The following TNFRSF10B variants were observed in gnomAD, a reference collection of about 807,000 sequenced individuals.
TNFRSF10B encodes TNF receptor superfamily member 10b.
A neutral mutation model predicts 41.4 loss-of-function variants in TNFRSF10B; 35 were observed. The ratio of observed to expected loss-of-function variants is 0.85; its 90% CI spans 0.65 to 1.12. The LOEUF (loss-of-function observed/expected upper bound fraction) is 1.12, where lower values mean the gene tolerates loss of function less well. TNFRSF10B is among the 50% of genes most tolerant of loss of function. The pLI is 0.00. For synonymous variants in TNFRSF10B, 230 were observed against 215.5 expected, an observed-to-expected ratio of 1.07 and a Z score of -0.59; for missense variants, 584 against 552.7, an observed-to-expected ratio of 1.06 and a Z score of -0.57.
At chr8:23,026,972 T>TC (rs1257041615) in intron 7 of TNFRSF10B, among the ~76,000 whole-genome samples, 161 bp downstream of exon 7, 1 of 152,100 alleles carries the variant, frequency 6.6e-6, no homozygotes, top group Non-Finnish European at 1.5e-5. Context: ...ACTGGCACGG[T>TC]CACCACCTCA....
chr8:23,050,445 T>G (rs1231883673), intron 1 of TNFRSF10B, among the ~76,000 whole-genome samples: 2 of 152,112 alleles, frequency 1.3e-5, no homozygotes, highest in Admixed American at 1.3e-4. Context: ...ACATCCAAAA[T>G]GTGTATGTGC....
chr8:23,042,429 G>C (rs1391960800), intron 2 of TNFRSF10B, among the ~76,000 whole-genome samples: 1 of 152,178 alleles, frequency 6.6e-6, no homozygotes, highest in East Asian at 1.9e-4. Flanking sequence ...GGGAAGAAGT[G>C]CGAGGCGAAC....
chr8:23,027,364 T>G (rs1811734423), intron 6 of TNFRSF10B, 76 bp from the exon 7 acceptor site: 2 of 1,573,636 alleles, frequency 1.3e-6, no homozygotes, highest in African/African-American at 1.3e-5. Flanking sequence ...GTCCTCAGTA[T>G]GCAGCTGCAC....
intron 1 of TNFRSF10B, among the ~76,000 whole-genome samples, chr8:23,062,046 A>C (rs749340204): frequency 6.6e-6 from 1 of 152,130 alleles, no homozygotes; most frequent in Non-Finnish European, 1.5e-5. Flanking sequence ...GGCCTTACAG[A>C]AAGAGTCAAG....
chr8:23,048,121 A>C (rs1224142213), intron 1 of TNFRSF10B, among the ~76,000 whole-genome samples: 1 of 152,188 alleles, frequency 6.6e-6, no homozygotes, highest in African/African-American at 2.4e-5. Context: ...GAAATACTGT[A>C]TGTTTTCATA....
At chr8:23,029,006 TC>T (rs1811799246) in intron 4 of TNFRSF10B, among the ~76,000 whole-genome samples, 1 of 151,944 alleles carries the variant, frequency 6.6e-6, no homozygotes, top group Non-Finnish European at 1.5e-5. Flanking sequence ...TCTGCCCATT[TC>T]CCCCAATCAC....
rs1205065449 is a variant in TNFRSF10B, at chr8:23,027,139, A to G, written c.930T>C (p.His310=). The G allele has an allele frequency of 6.2e-7, 1 of 1,614,044 alleles. No homozygotes were observed. The highest frequency in any genetic ancestry group is 1.7e-5 in the Admixed American group (1 of 60,026). Residue 310 remains histidine, a synonymous_variant, in exon 7 of 9, where the codon CAT becomes CAC. Coordinates refer to ENST00000276431, the MANE Select transcript of TNFRSF10B (RefSeq NM_003842.5). The part of the protein sequence containing the change: ...VNMLSPGESE[H]LLEPAEAERS... ...TGATCTGTCCCCCACTCACCAGCAG[A>G]TGCTCTGACTCCCCGGGGGACAACA...
At chr8:23,050,194 C>G (rs745755243) in intron 1 of TNFRSF10B, among the ~76,000 whole-genome samples, 2 of 152,188 alleles carry the variant, frequency 1.3e-5, no homozygotes, top group Non-Finnish European at 2.9e-5. Flanking sequence ...GCTCATACAC[C>G]CACTTTCCCT....
intron 2 of TNFRSF10B, among the ~76,000 whole-genome samples, chr8:23,040,677 A>G (rs949826514): frequency 8.6e-5 from 13 of 151,958 alleles, no homozygotes; most frequent in Non-Finnish European, 1.6e-4. Context: ...TTAATTGAAA[A>G]TAGTTTAAAC....
At position 23,055,788 on chromosome 8, in the gene TNFRSF10B, C is replaced by G. The variant is rs1249585310; in HGVS notation, c.145-12545G>C. On this transcript the variant is annotated intron_variant, in intron 1 of 8. Coordinates refer to ENST00000276431, the MANE Select transcript of TNFRSF10B (RefSeq NM_003842.5). ...AGGGTAATCACCCCAGCACCTGGAC[C>G]CATTTAGATTAAGTAAATTTACTGA... Among the ~76,000 whole-genome samples, 3 of 152,080 alleles carry G rather than the reference C, an allele frequency of 2.0e-5. No individual in the cohort carries two copies. In the South Asian group the frequency reaches 6.2e-4, roughly 32 times the overall value.
rs770524322 is a variant in TNFRSF10B at position 23,030,780 on chromosome 8, G to A, written c.343C>T (p.Arg115Cys). ...GTACCTGAATCACACCTGGTGCAGCGCAAGCAGAAAAGGAGGTCATTCCAG... is the reference window on the plus strand; with the variant it reads ...GTACCTGAATCACACCTGGTGCAGCACAAGCAGAAAAGGAGGTCATTCCAG... ...THWNDLLFCL[R>C]CTRCDSGEVE... Residue 115 changes from arginine (R) to cysteine (C), a missense_variant, in exon 3 of 9, where the codon CGC becomes TGC. Arg to Cys is a radical substitution (Grantham distance 180). Coordinates refer to ENST00000276431, the MANE Select transcript of TNFRSF10B (RefSeq NM_003842.5). The A allele has an allele frequency of 2.5e-5, 40 of 1,612,702 alleles. No individual in the cohort carries two copies. The East Asian group carries it at 3.3e-4, about 13-fold the overall frequency.
intron 1 of TNFRSF10B, among the ~76,000 whole-genome samples, chr8:23,052,918 G>T (rs1275336857): frequency 6.6e-6 from 1 of 152,264 alleles, no homozygotes; most frequent in Non-Finnish European, 1.5e-5. Flanking sequence ...AAAGAAAAGA[G>T]AATTTATACA....
chr8:23,065,406 C>T (rs944732252), intron 1 of TNFRSF10B, among the ~76,000 whole-genome samples: 2 of 152,112 alleles, frequency 1.3e-5, no homozygotes, highest in Admixed American at 6.5e-5. Flanking sequence ...GAAGCAGCTG[C>T]CTGGAGGACT....
rs552899908 is a variant in TNFRSF10B at position 23,026,195 on chromosome 8, A to C, written c.936+938T>G. 1.2e-4 allele frequency among the ~76,000 whole-genome samples: 19 copies of C among 152,362 alleles called. No individual in the cohort carries two copies. The South Asian group carries it at 1.4e-3, about 12-fold the overall frequency. ...AGAAAGTGGTACAGATGCAAGGAAG[A>C]AACAGAAACAGTCTAGGTGGAAGAG... On this transcript the variant is annotated intron_variant, in intron 7 of 8. Transcript: ENST00000276431.
At chr8:23,038,098 T>A (rs1585213455) in intron 2 of TNFRSF10B, among the ~76,000 whole-genome samples, 1 of 152,188 alleles carries the variant, frequency 6.6e-6, no homozygotes, top group African/African-American at 2.4e-5. Flanking sequence ...TGACTGATTC[T>A]GAACACAAAG....
chr8:23,043,294 TC>T, intron 1 of TNFRSF10B, 51 bp from the exon 2 acceptor site: 1 of 1,455,972 alleles, frequency 6.9e-7, no homozygotes, highest in Non-Finnish European at 9.6e-7. Context: ...ACCTCACCCC[TC>T]CCAGGATCCA....
intron 2 of TNFRSF10B, among the ~76,000 whole-genome samples, chr8:23,041,603 T>TTA (rs772375663): frequency 8.2e-6 from 1 of 121,238 alleles, no homozygotes; most frequent in Non-Finnish European, 1.8e-5. Context: ...CTCAATGATT[T>TTA]AAAAAAAAAA....
At chr8:23,035,538 A>C (rs1474463292) in intron 2 of TNFRSF10B, among the ~76,000 whole-genome samples, 1 of 152,224 alleles carries the variant, frequency 6.6e-6, no homozygotes, top group Non-Finnish European at 1.5e-5. Context: ...ACGAGCAAGA[A>C]GTAGCAACTA....
chr8:23,057,592 C>G (rs1225530483), intron 1 of TNFRSF10B, among the ~76,000 whole-genome samples: 1 of 152,032 alleles, frequency 6.6e-6, no homozygotes, highest in Non-Finnish European at 1.5e-5. Flanking sequence ...GACACCACAC[C>G]TGGCTGATTT....
Sources: gnomAD v4.1 joint callset for allele counts (sites outside exome capture counted in the v4.1 genomes callset) on GRCh38, gnomAD v4.1.1 for gene constraint, MANE v1.5 for transcripts, NCBI Gene and HGNC (gene_info 2026-07-23, HGNC 2026-07-21) for gene names.